The following NIPAL2 variants were observed in gnomAD, a reference collection of about 807,000 sequenced individuals.
NIPAL2 encodes the protein NIPA like domain containing 2.
Under a neutral mutation model 48.9 loss-of-function variants are expected in NIPAL2, and 43 were observed. The ratio of observed to expected loss-of-function variants is 0.88; its 90% confidence interval spans 0.69 to 1.13. The LOEUF (loss-of-function observed/expected upper bound fraction) is 1.13. Among genes scored for constraint, NIPAL2 ranks in the 50% most tolerant of loss-of-function variants. The probability of loss-of-function intolerance (pLI) is 0.00; values close to 1 mark genes in which losing one functional copy is unlikely to be tolerated. For missense variants in NIPAL2, 446 were observed against 461.4 expected (o/e 0.97, Z 0.31); for synonymous variants, 167 against 174.6 (o/e 0.96, Z 0.34).
intron 2 of NIPAL2, among the ~76,000 whole-genome samples, chr8:98,252,936 A>C (rs1300595831): frequency 3.3e-5 from 5 of 152,066 alleles, no homozygotes; most frequent in African/African-American, 4.8e-5. Flanking sequence ...CATTTCATAC[A>C]TTTTAAATTG....
chr8:98,249,453 C>G (rs920511792), intron 3 of NIPAL2, among the ~76,000 whole-genome samples: 1 of 151,498 alleles, frequency 6.6e-6, no homozygotes, highest in African/African-American at 2.4e-5. Context: ...CAAATGAGTC[C>G]TATATATGAC....
At chr8:98,281,307 T>C (rs775079572) in intron 1 of NIPAL2, among the ~76,000 whole-genome samples, 2 of 150,984 alleles carry the variant, frequency 1.3e-5, no homozygotes, top group Non-Finnish European at 3.0e-5. Flanking sequence ...CCCAAGAAGC[T>C]CAGAAGGAGT....
chr8:98,266,309 A>T (rs1030769645), intron 1 of NIPAL2, among the ~76,000 whole-genome samples: 10 of 151,870 alleles, frequency 6.6e-5, no homozygotes, highest in Non-Finnish European at 1.5e-4. Context: ...TGAAAAAAAA[A>T]AGTTATATTA....
chr8:98,294,007 T>A lies in NIPAL2; in HGVS notation c.131A>T (p.Asn44Ile). The stretch of plus-strand genomic sequence containing the variant: ...TGGCTGCGGGGCGGCCCTTACCTGG[T>A]TCCTGCGGTACCAGTCGCCCGAGAG... ...GSLSGDWYRR[N>I]QIHLFGVLLA... Residue 44 changes from asparagine to isoleucine, a missense_variant, in exon 1 of 11, where the codon AAC becomes ATC. Coordinates refer to ENST00000430223, the MANE Select transcript of NIPAL2 (RefSeq NM_001321635.2). 1 of 1,489,222 alleles carries A rather than the reference T, an allele frequency of 6.7e-7. No individual in the cohort carries two copies. The allele number at this position is 1,489,222 out of a possible 1,614,324, so 92.3% of individuals were successfully genotyped here.
chr8:98,280,761 T>TATATATATATATATATAGAGAG, intron 1 of NIPAL2, among the ~76,000 whole-genome samples: 50 of 30,020 alleles, frequency 1.7e-3, no homozygotes, highest in South Asian at 3.0e-3. Context: ...TATATATATA[T>TATATATATATATATATAGAGAG]AGAGAGAGAG....
chr8:98,220,855 A>G (rs1360950578), intron 5 of NIPAL2, among the ~76,000 whole-genome samples: 1 of 151,888 alleles, frequency 6.6e-6, no homozygotes, highest in Non-Finnish European at 1.5e-5. Context: ...GACAAGTTGC[A>G]TATCAGCCCT....
At chr8:98,286,065 A>G (rs1304978552) in intron 1 of NIPAL2, among the ~76,000 whole-genome samples, 1 of 152,086 alleles carries the variant, frequency 6.6e-6, no homozygotes, top group Non-Finnish European at 1.5e-5. Flanking sequence ...TTGTTTCTGG[A>G]GTAGGTTTCT....
intron 4 of NIPAL2, among the ~76,000 whole-genome samples, chr8:98,227,857 G>A (rs1405758281): frequency 1.3e-5 from 2 of 152,212 alleles, no homozygotes; most frequent in East Asian, 3.9e-4. Flanking sequence ...GGCCTAGAGA[G>A]CCTTTCAAGT....
chr8:98,224,691 T>A (rs1438937811), intron 4 of NIPAL2, among the ~76,000 whole-genome samples: 1 of 151,856 alleles, frequency 6.6e-6, no homozygotes, highest in Non-Finnish European at 1.5e-5. Context: ...TCACTGCATT[T>A]CAAAACTTTT....
At chr8:98,285,801 T>C (rs1816121826) in intron 1 of NIPAL2, among the ~76,000 whole-genome samples, 2 of 152,126 alleles carry the variant, frequency 1.3e-5, no homozygotes, top group African/African-American at 4.8e-5. Context: ...GGAAGCCGAA[T>C]TCAAAGACCA....
intron 4 of NIPAL2, among the ~76,000 whole-genome samples, chr8:98,233,285 G>C (rs1490218805): frequency 1.3e-5 from 2 of 151,630 alleles, no homozygotes; most frequent in South Asian, 2.1e-4. Context: ...TGAGGAATTA[G>C]CAAAGAATCC....
intron 3 of NIPAL2, among the ~76,000 whole-genome samples, chr8:98,250,265 G>GA (rs1302126263): frequency 6.6e-6 from 1 of 152,076 alleles, no homozygotes; most frequent in Non-Finnish European, 1.5e-5. Flanking sequence ...AAATGATACA[G>GA]AAAAAAAGTT....
intron 1 of NIPAL2, among the ~76,000 whole-genome samples, chr8:98,262,789 C>A (rs2130856644): frequency 6.6e-6 from 1 of 151,214 alleles, no homozygotes; most frequent in African/African-American, 2.4e-5. Flanking sequence ...TAATAGACAT[C>A]TACAGAACTC....
At chr8:98,198,495 C>T (rs1437396844) in intron 8 of NIPAL2, among the ~76,000 whole-genome samples, 3 of 152,238 alleles carry the variant, frequency 2.0e-5, no homozygotes, top group Non-Finnish European at 2.9e-5. Context: ...TACTTCTCCT[C>T]TTTAGCCATG....
chr8:98,265,926 T>A (rs920270002), intron 1 of NIPAL2, among the ~76,000 whole-genome samples: 3 of 151,642 alleles, frequency 2.0e-5, no homozygotes, highest in Non-Finnish European at 4.4e-5. Context: ...ATGTGGCACA[T>A]ATACACCATG....
chr8:98,293,694 G>T (rs1327204501), intron 1 of NIPAL2, among the ~76,000 whole-genome samples: 1 of 152,222 alleles, frequency 6.6e-6, no homozygotes, highest in Non-Finnish European at 1.5e-5. Context: ...GAGGGCGGAC[G>T]CAGGCTGGGG....
intron 1 of NIPAL2, among the ~76,000 whole-genome samples, chr8:98,290,182 C>T (rs866232471): frequency 3.3e-5 from 5 of 152,158 alleles, no homozygotes; most frequent in Admixed American, 6.5e-5. Context: ...AATGAGATAA[C>T]AGCTATAAAG....
intron 3 of NIPAL2, among the ~76,000 whole-genome samples, chr8:98,237,653 T>C (rs1381436061): frequency 6.6e-6 from 1 of 152,232 alleles, no homozygotes; most frequent in African/African-American, 2.4e-5. Context: ...CATTTGTCTT[T>C]ATTTGATAAT....
chr8:98,203,440 G>T (rs1810895170), intron 7 of NIPAL2, among the ~76,000 whole-genome samples: 1 of 152,120 alleles, frequency 6.6e-6, no homozygotes, highest in Admixed American at 6.5e-5. Flanking sequence ...CATATTCCGA[G>T]GCCACAGAAG....
Sources: gnomAD v4.1 joint callset for allele counts (sites outside exome capture counted in the v4.1 genomes callset) on GRCh38, gnomAD v4.1.1 for gene constraint, MANE v1.5 for transcripts, NCBI Gene and HGNC (gene_info 2026-07-23, HGNC 2026-07-21) for gene names.